Variants in RCAN3 observed in about 807,000 individuals in gnomAD.
RCAN3 encodes regulator of calcineurin 3.
In RCAN3, 19 loss-of-function variants were observed where a neutral mutation model predicts 21.9. The observed-to-expected ratio is 0.87, with a 90% CI of 0.61 to 1.27. RCAN3 has a LOEUF of 1.27. RCAN3 is among the 50% of genes most tolerant of loss of function. The probability of loss-of-function intolerance (pLI) is 0.00; values close to 1 mark genes in which losing one functional copy is unlikely to be tolerated. For missense variants in RCAN3, 240 were observed against 300.1 expected (o/e 0.80, Z 1.48); for synonymous variants, 114 against 112.3 (o/e 1.01, Z -0.09).
chr1:24,512,797 C>T (rs933669821), intron 1 of RCAN3, among the ~76,000 whole-genome samples: 2 of 152,152 alleles, frequency 1.3e-5, no homozygotes, highest in Admixed American at 6.5e-5. Context: ...GTCCAAGGCT[C>T]TCTGCTTGGT....
chr1:24,506,576 TAGAG>T (rs1043382573), intron 1 of RCAN3, among the ~76,000 whole-genome samples: 2 of 151,358 alleles, frequency 1.3e-5, no homozygotes, highest in East Asian at 3.9e-4. Context: ...TCTATAAAAA[TAGAG>T]AAAGATAAAG....
At chr1:24,524,105 C>T (rs1457096210) in intron 2 of RCAN3, among the ~76,000 whole-genome samples, 3 of 152,066 alleles carry the variant, frequency 2.0e-5, no homozygotes, top group South Asian at 2.1e-4. Context: ...TGGTGCACGC[C>T]TGTAATCCCA....
At chr1:24,516,851 C>T (rs1648364009) in intron 2 of RCAN3, among the ~76,000 whole-genome samples, 1 of 152,164 alleles carries the variant, frequency 6.6e-6, no homozygotes, top group African/African-American at 2.4e-5. Context: ...AACTTTGTGT[C>T]TTTCAGGGTT....
At chr1:24,520,167 T>A (rs2148901171) in intron 2 of RCAN3, among the ~76,000 whole-genome samples, 2 of 152,330 alleles carry the variant, frequency 1.3e-5, no homozygotes, top group Middle Eastern at 6.8e-3. Context: ...ATATCTCTGT[T>A]ATAGTTAACT....
chr1:24,510,058 G>C (rs1647752013), intron 1 of RCAN3, among the ~76,000 whole-genome samples: 1 of 152,110 alleles, frequency 6.6e-6, no homozygotes. Flanking sequence ...TTAGCAGTAG[G>C]TCTCAAGAAT....
intron 2 of RCAN3, among the ~76,000 whole-genome samples, chr1:24,523,189 G>T (rs947463643): frequency 6.6e-6 from 1 of 151,426 alleles, no homozygotes; most frequent in African/African-American, 2.4e-5. Context: ...TCAGCCTCCC[G>T]AGTAGCTGGG....
rs961628653 is a variant in RCAN3, at chr1:24,525,574, T to C, written c.196-5644T>C. 7.2e-5 allele frequency among the ~76,000 whole-genome samples: 11 copies of C among 152,198 alleles called. No homozygotes were observed. Among genetic ancestry groups the C allele is most frequent in the Non-Finnish European group, 1.0e-4 (7 of 68,032 alleles). Reference sequence around the variant, plus strand: ...CCCATTATCTTTTCTCAAATAAATATGCGGCCATCACCCAACAGGATGATG... The same window carrying C: ...CCCATTATCTTTTCTCAAATAAATACGCGGCCATCACCCAACAGGATGATG... On this transcript the variant is annotated intron_variant, in intron 2 of 4. Coordinates refer to ENST00000374395, the MANE Select transcript of RCAN3 (RefSeq NM_013441.4). This position sits in a 1 kb window ranked among gnomAD's most constrained non-coding sequence, Gnocchi z 4.1.
At chr1:24,519,919 C>A (rs1648659313) in intron 2 of RCAN3, among the ~76,000 whole-genome samples, 1 of 152,166 alleles carries the variant, frequency 6.6e-6, no homozygotes, top group African/African-American at 2.4e-5. Context: ...TAATCATATG[C>A]ACAATTTAAA....
intron 1 of RCAN3, among the ~76,000 whole-genome samples, chr1:24,512,572 T>C (rs1647977404): frequency 6.6e-6 from 1 of 152,166 alleles, no homozygotes; most frequent in Non-Finnish European, 1.5e-5. Context: ...TTGATTGATA[T>C]TGTAGAATAC....
intron 2 of RCAN3, among the ~76,000 whole-genome samples, chr1:24,516,555 T>C (rs1370249972): frequency 2.0e-5 from 3 of 152,100 alleles, no homozygotes; most frequent in African/African-American, 7.2e-5. Context: ...ATAGCTGATA[T>C]TTGGCCAGAG....
chr1:24,531,201 C>A lies in RCAN3; in HGVS notation c.196-17C>A. 1.4e-6 allele frequency: 2 copies of A among 1,461,408 alleles called. No homozygotes were observed. The highest frequency in any genetic ancestry group is 1.8e-6 in the Non-Finnish European group (2 of 1,096,096). 90.5% of individuals were successfully genotyped at this position (1,461,408 alleles called of 1,614,324 possible). A position where few individuals can be genotyped will look rare whatever the true frequency, so the allele number is the denominator to read the frequency against. ...TTTTCCTCCCCTTCCCTTTGCCTTG[C>A]TGCTCCTTAATTGTAGGAAAGATTT... On this transcript the variant is annotated splice_polypyrimidine_tract_variant and intron_variant, in intron 2 of 4. Coordinates refer to ENST00000374395, the MANE Select transcript of RCAN3 (RefSeq NM_013441.4).
chr1:24,534,400 C>G (rs190918902), intron 4 of RCAN3, among the ~76,000 whole-genome samples: 35 of 152,110 alleles, frequency 2.3e-4, no homozygotes, highest in African/African-American at 8.4e-4. Flanking sequence ...GTCAGGAGAT[C>G]GAGACCAGCC....
intron 2 of RCAN3, among the ~76,000 whole-genome samples, chr1:24,515,316 C>T (rs576148695): frequency 2.0e-5 from 3 of 152,186 alleles, no homozygotes; most frequent in East Asian, 1.9e-4. Context: ...ATGATTTTGT[C>T]GTAACAAAAT....
At chr1:24,531,426 CTTGT>C in intron 3 of RCAN3, 35 bp downstream of exon 3, 1 of 1,450,398 alleles carries the variant, frequency 6.9e-7, no homozygotes, top group Non-Finnish European at 9.2e-7. Context: ...GTTCTCTAAA[CTTGT>C]TTTTCTCCAT....
At chr1:24,532,293 C>T (rs767015503) in intron 3 of RCAN3, among the ~76,000 whole-genome samples, 5 of 152,074 alleles carry the variant, frequency 3.3e-5, no homozygotes, top group Non-Finnish European at 5.9e-5. Flanking sequence ...GTGATGCAAT[C>T]TCAGCTCACC....
chr1:24,511,619 C>T (rs1647895848), intron 1 of RCAN3, among the ~76,000 whole-genome samples: 1 of 152,118 alleles, frequency 6.6e-6, no homozygotes, highest in Non-Finnish European at 1.5e-5. Flanking sequence ...ATGGTAACAT[C>T]AAAGATCACT....
chr1:24,515,812 G>A (rs569965037), intron 2 of RCAN3, among the ~76,000 whole-genome samples: 1 of 152,236 alleles, frequency 6.6e-6, no homozygotes, highest in African/African-American at 2.4e-5. Context: ...GGGATGACAA[G>A]CAATTATGTT....
intron 2 of RCAN3, among the ~76,000 whole-genome samples, chr1:24,524,794 C>T (rs901192557): frequency 7.3e-5 from 11 of 151,128 alleles, no homozygotes; most frequent in African/African-American, 1.2e-4. Context: ...AGAGTAAAAT[C>T]GTTCCTCCTA....
chr1:24,518,421 A>T (rs1405892300), intron 2 of RCAN3, among the ~76,000 whole-genome samples: 5 of 152,320 alleles, frequency 3.3e-5, no homozygotes, highest in African/African-American at 1.2e-4. Context: ...CTTATCTTTC[A>T]ATGTATATTT....
Sources: gnomAD v4.1 joint callset for allele counts (sites outside exome capture counted in the v4.1 genomes callset) on GRCh38, gnomAD v4.1.1 for gene constraint, Gnocchi (gnomAD v3.1) non-coding constraint, MANE v1.5 for transcripts, NCBI Gene and HGNC (gene_info 2026-07-23, HGNC 2026-07-21) for gene names.